RIMS2: variants seen among roughly 807,000 people sequenced by gnomAD.
The protein encoded by RIMS2 is regulating synaptic membrane exocytosis 2, also known as regulating synaptic membrane exocytosis protein 2.
A neutral mutation model predicts 174.4 loss-of-function variants in RIMS2; 59 were observed. The ratio of observed to expected loss-of-function variants is 0.34; its 90% CI spans 0.27 to 0.42. The LOEUF (loss-of-function observed/expected upper bound fraction) is 0.42, where lower values mean the gene tolerates loss of function less well. RIMS2 is among the 10% of genes least tolerant of loss of function. The pLI is 1.00. For missense variants in RIMS2, 1,620 were observed against 1,666.3 expected, an observed-to-expected ratio of 0.97 and a Z score of 0.48; for synonymous variants, 606 against 572.5, an observed-to-expected ratio of 1.06 and a Z score of -0.84.
At chr8:103,909,364 G>A (rs1444128082) in intron 4 of RIMS2, among the ~76,000 whole-genome samples, 1 of 151,812 alleles carries the variant, frequency 6.6e-6, no homozygotes, top group Non-Finnish European at 1.5e-5. Flanking sequence ...TGTAAGTTTG[G>A]GAAATGGTGG....
chr8:104,019,684 A>T (rs2096033396), intron 19 of RIMS2, among the ~76,000 whole-genome samples: 1 of 152,182 alleles, frequency 6.6e-6, no homozygotes, highest in Non-Finnish European at 1.5e-5. Context: ...AATATCTACT[A>T]TCTAACTTTT....
intron 1 of RIMS2, among the ~76,000 whole-genome samples, chr8:103,686,086 C>T (rs551542968): frequency 8.6e-5 from 13 of 151,878 alleles, no homozygotes; most frequent in East Asian, 1.9e-4. Flanking sequence ...TTTTATTTTT[C>T]GCTGCTGTTG....
At chr8:103,633,064 T>C (rs568946848) in intron 1 of RIMS2, among the ~76,000 whole-genome samples, 3 of 145,730 alleles carry the variant, frequency 2.1e-5, no homozygotes, top group African/African-American at 7.8e-5. Flanking sequence ...TCTTGCTGTG[T>C]CACCCAGGCT....
At chr8:103,553,558 G>A (rs1018397435) in intron 1 of RIMS2, among the ~76,000 whole-genome samples, 1 of 151,996 alleles carries the variant, frequency 6.6e-6, no homozygotes, top group Non-Finnish European at 1.5e-5. Context: ...TAACAAAGCT[G>A]CATGTTGTGC....
intron 19 of RIMS2, among the ~76,000 whole-genome samples, chr8:104,215,341 A>C (rs2099125298): frequency 6.6e-6 from 1 of 152,206 alleles, no homozygotes; most frequent in East Asian, 1.9e-4. Context: ...ATTAGACTTT[A>C]ATTGTGGTTA....
At chr8:103,809,158 G>C (rs1294149991) in intron 3 of RIMS2, among the ~76,000 whole-genome samples, 1 of 151,720 alleles carries the variant, frequency 6.6e-6, no homozygotes, top group East Asian at 1.9e-4. Flanking sequence ...GTCATCTCTT[G>C]ATCTTTGTAC....
At chr8:103,575,096 T>G (rs903807647) in intron 1 of RIMS2, among the ~76,000 whole-genome samples, 1 of 152,002 alleles carries the variant, frequency 6.6e-6, no homozygotes, top group Non-Finnish European at 1.5e-5. Context: ...CACAAATCAG[T>G]AAAAGAACAT....
chr8:104,253,630 T>G (rs1292915222), downstream of RIMS2: 4 of 152,182 alleles, frequency 2.6e-5, no homozygotes, highest in African/African-American at 9.6e-5. Context: ...AAATTTCTCC[T>G]AAGTTCCCCT....
chr8:103,690,437 G>A (rs932877560), intron 1 of RIMS2, among the ~76,000 whole-genome samples: 1 of 151,948 alleles, frequency 6.6e-6, no homozygotes, highest in Non-Finnish European at 1.5e-5. Flanking sequence ...TTAATTGCTT[G>A]TATTTTACTT....
chr8:103,624,751 C>T (rs970652644), intron 1 of RIMS2, among the ~76,000 whole-genome samples: 1 of 152,046 alleles, frequency 6.6e-6, no homozygotes, highest in South Asian at 2.1e-4. Context: ...TTCATTTAAT[C>T]CTCTTACCTC....
chr8:103,792,808 A>G (rs569712629), intron 3 of RIMS2, among the ~76,000 whole-genome samples: 1 of 152,320 alleles, frequency 6.6e-6, no homozygotes, highest in Admixed American at 6.5e-5. Flanking sequence ...AAAGACCTCT[A>G]TGCAAATAAA....
At chr8:103,501,055 G>A (rs865794987) in exon 1 of RIMS2, 6 of 1,602,334 alleles carry the variant, frequency 3.7e-6, no homozygotes, top group Admixed American at 3.4e-5. Flanking sequence ...GGAGCAGTCC[G>A]TGCTCAAGTA....
In RIMS2 at chr8:104,148,855, A is replaced by G. The variant is rs1483640141; in HGVS notation, c.3335-96061A>G. ...TCTCAGCTCAGCCAAACGGGTAGGA[A>G]TTTCAATGTTACTTTTAACTTGATA... On this transcript the variant is annotated intron_variant, in intron 19 of 23. Coordinates refer to ENST00000504942, the Ensembl canonical transcript of RIMS2. The G allele has an allele frequency of 1.3e-6, 2 of 1,594,936 alleles. No individual in the cohort carries two copies. Among genetic ancestry groups the G allele is most frequent in the Admixed American group, 3.3e-5 (2 of 59,834 alleles).
intron 1 of RIMS2, among the ~76,000 whole-genome samples, chr8:103,569,867 A>G (rs1375500359): frequency 2.0e-5 from 3 of 151,358 alleles, no homozygotes; most frequent in African/African-American, 7.3e-5. Context: ...TCCTGGCCTC[A>G]AGCAGTCCTA....
chr8:103,603,782 T>G (rs1209961790), intron 1 of RIMS2, among the ~76,000 whole-genome samples: 1 of 148,944 alleles, frequency 6.7e-6, no homozygotes, highest in Non-Finnish European at 1.5e-5. Context: ...GTTTTTTGGC[T>G]GCATAAATGT....
intron 1 of RIMS2, among the ~76,000 whole-genome samples, chr8:103,518,732 A>G (rs769126866): frequency 4.6e-5 from 7 of 151,996 alleles, no homozygotes; most frequent in Non-Finnish European, 7.4e-5. Flanking sequence ...GCCTGTTATG[A>G]TATGTTAACA....
chr8:103,804,434 CAG>C (rs1015283391), intron 3 of RIMS2, among the ~76,000 whole-genome samples: 1 of 152,176 alleles, frequency 6.6e-6, no homozygotes, highest in Admixed American at 6.6e-5. Context: ...CTACCACCAA[CAG>C]AGTATTGGAT....
chr8:103,820,018 A>G (rs1019390799), intron 3 of RIMS2, among the ~76,000 whole-genome samples: 8 of 152,148 alleles, frequency 5.3e-5, no homozygotes, highest in Admixed American at 5.2e-4. Context: ...AATGTGAATT[A>G]GCTCCTGTAA....
intron 1 of RIMS2, among the ~76,000 whole-genome samples, chr8:103,694,756 T>C (rs1005919630): frequency 5.9e-5 from 9 of 152,122 alleles, no homozygotes; most frequent in Non-Finnish European, 1.2e-4. Flanking sequence ...AGCCTGATGA[T>C]TGAACTGCAG....
Sources: allele counts gnomAD v4.1 joint callset (sites outside exome capture counted in the v4.1 genomes callset), GRCh38; gene constraint gnomAD v4.1.1; transcripts MANE v1.5; gene names NCBI Gene and HGNC (gene_info 2026-07-23, HGNC 2026-07-21).